WDFY3: variants seen among roughly 807,000 people sequenced by gnomAD.
WDFY3 encodes the protein WD repeat and FYVE domain-containing protein 3.
In WDFY3, 66 loss-of-function variants were observed where a neutral mutation model predicts 409.6. That is an observed-to-expected ratio of 0.16 (90% CI 0.13 to 0.20). The LOEUF (loss-of-function observed/expected upper bound fraction) is 0.20, where lower values mean the gene tolerates loss of function less well. Among genes scored for constraint, WDFY3 ranks in the 10% least tolerant of loss-of-function variants. The pLI is 1.00. For missense variants in WDFY3, 3,031 were observed against 4,298.1 expected, an observed-to-expected ratio of 0.71 and a Z score of 8.24; for synonymous variants, 1,521 against 1,537.1, an observed-to-expected ratio of 0.99 and a Z score of 0.25.
At chr4:84,790,163 A>G (rs985322548) in intron 21 of WDFY3, among the ~76,000 whole-genome samples, 2 of 152,072 alleles carry the variant, frequency 1.3e-5, no homozygotes, top group African/African-American at 4.8e-5. Flanking sequence ...CAGCCTGGCC[A>G]ACATGGTGAA....
At chr4:84,741,153 T>C (rs889967698) in intron 38 of WDFY3, among the ~76,000 whole-genome samples, 4 of 152,174 alleles carry the variant, frequency 2.6e-5, no homozygotes, top group African/African-American at 4.8e-5. Flanking sequence ...CCTTTACACA[T>C]GGATGTAGTA....
intron 25 of WDFY3, among the ~76,000 whole-genome samples, chr4:84,780,675 A>G (rs1746336274): frequency 6.6e-6 from 1 of 152,076 alleles, no homozygotes; most frequent in African/African-American, 2.4e-5. Flanking sequence ...GAGGCAGGAG[A>G]CTCACTTTAA....
chr4:84,958,950 C>A (rs1774572949), intron 1 of WDFY3, among the ~76,000 whole-genome samples: 1 of 152,090 alleles, frequency 6.6e-6, no homozygotes, highest in Non-Finnish European at 1.5e-5. Context: ...TACTTTAGCA[C>A]CCCAATGATT....
intron 37 of WDFY3, 80 bp from the exon 38 acceptor site, chr4:84,742,001 C>T: frequency 7.3e-7 from 1 of 1,364,576 alleles, no homozygotes; most frequent in Non-Finnish European, 9.8e-7. Context: ...AAAAATCAGG[C>T]TAAGGTAAAA....
intron 47 of WDFY3, among the ~76,000 whole-genome samples, chr4:84,720,297 A>G (rs760789003): frequency 6.6e-6 from 1 of 152,212 alleles, no homozygotes; most frequent in Non-Finnish European, 1.5e-5. Flanking sequence ...TGAGTAGCAA[A>G]AGAGTCAAAA....
intron 36 of WDFY3, among the ~76,000 whole-genome samples, chr4:84,749,610 C>A (rs1018687174): frequency 6.6e-6 from 1 of 152,146 alleles, no homozygotes; most frequent in Non-Finnish European, 1.5e-5. Context: ...TTTTGTTACA[C>A]ATCATTTTGC....
At chr4:84,801,924 C>T in intron 16 of WDFY3, 60 bp from the exon 17 acceptor site, 1 of 1,517,606 alleles carries the variant, frequency 6.6e-7, no homozygotes. Flanking sequence ...GATGACAATT[C>T]TTTTCACATG....
chr4:84,908,982 T>A (rs1268144867), intron 2 of WDFY3, among the ~76,000 whole-genome samples: 1 of 151,984 alleles, frequency 6.6e-6, no homozygotes, highest in Non-Finnish European at 1.5e-5. Context: ...ATTGAATGGA[T>A]TCATATTAAA....
intron 13 of WDFY3, among the ~76,000 whole-genome samples, chr4:84,814,851 C>T (rs1328030724): frequency 6.6e-6 from 1 of 152,004 alleles, no homozygotes; most frequent in East Asian, 1.9e-4. Context: ...ATATAGCATT[C>T]CATACTATCT....
In WDFY3 at chr4:84,740,139, A is replaced by G. The variant is rs761059400; in HGVS notation, c.6464+48T>C. 1.7e-5 allele frequency: 27 copies of G among 1,582,208 alleles called. No individual in the cohort carries two copies. In the Admixed American group the frequency reaches 4.5e-4, roughly 27 times the overall value. ...AAAAAATAAAGAATTTTGTTGGAAT[A>G]ACATCAAAGCCAAATTTAACATGGC... On this transcript the variant is annotated intron_variant, in intron 39 of 67. Coordinates refer to ENST00000295888, the MANE Select transcript of WDFY3 (RefSeq NM_014991.6).
chr4:84,859,097 A>C (rs1347495540), intron 4 of WDFY3, among the ~76,000 whole-genome samples: 2 of 152,156 alleles, frequency 1.3e-5, no homozygotes, highest in East Asian at 3.9e-4. Flanking sequence ...GAGGAAAAAG[A>C]GCGAGAGAAG....
At chr4:84,813,090 G>A (rs1415328742) in intron 13 of WDFY3, among the ~76,000 whole-genome samples, 2 of 152,068 alleles carry the variant, frequency 1.3e-5, no homozygotes, top group Non-Finnish European at 2.9e-5. Context: ...AAATGACATA[G>A]TTCTGTGGTA....
At chr4:84,863,926 C>T (rs949867948) in intron 3 of WDFY3, among the ~76,000 whole-genome samples, 5 of 152,132 alleles carry the variant, frequency 3.3e-5, no homozygotes, top group African/African-American at 1.2e-4. Context: ...CAGTACCATA[C>T]TATTAAGATT....
chr4:84,704,288 A>G, intron 55 of WDFY3, 50 bp downstream of exon 55: 2 of 1,314,292 alleles, frequency 1.5e-6, no homozygotes, highest in East Asian at 4.8e-5. Flanking sequence ...GACATTTTAG[A>G]TAGAAGTAGG....
At chr4:84,761,623 A>G (rs899406764) in intron 32 of WDFY3, among the ~76,000 whole-genome samples, 3 of 152,204 alleles carry the variant, frequency 2.0e-5, no homozygotes, top group Non-Finnish European at 4.4e-5. Context: ...GGATCTAATT[A>G]AACTAAAGAG....
chr4:84,957,417 G>T (rs1343694234), intron 1 of WDFY3, among the ~76,000 whole-genome samples: 1 of 152,160 alleles, frequency 6.6e-6, no homozygotes, highest in East Asian at 1.9e-4. Context: ...TGAGGGGTAA[G>T]TGACTCATAT....
intron 32 of WDFY3, among the ~76,000 whole-genome samples, chr4:84,760,254 T>C (rs1421623277): frequency 2.6e-5 from 4 of 152,118 alleles, no homozygotes; most frequent in Non-Finnish European, 4.4e-5. Context: ...AGGATATTGG[T>C]CTAAAGTTCT....
At position 84,803,424 on chromosome 4, in the gene WDFY3, T is replaced by C. The variant is rs1750975290; in HGVS notation, c.2473A>G (p.Lys825Glu). The C allele has an allele frequency of 6.2e-7, 1 of 1,614,028 alleles. No individual in the cohort carries two copies. The highest frequency in any genetic ancestry group is 8.5e-7 in the Non-Finnish European group (1 of 1,179,966). The stretch of plus-strand genomic sequence containing the variant: ...TGTAGTTTCAGGTCGGCAACATTTT[T>C]AGGAGGGTAAACAGGGGGAGTTGAA... The part of the protein sequence containing the change: ...SVSTPPVYPP[K>E]NVADLKLHVT... Residue 825 changes from lysine to glutamate, a missense_variant, in exon 16 of 68, where the codon AAA becomes GAA. Physicochemically the swap from Lys to Glu is moderately conservative, Grantham distance 56. Coordinates refer to ENST00000295888, the MANE Select transcript of WDFY3 (RefSeq NM_014991.6).
At chr4:84,862,235 A>T (rs954065157) in intron 3 of WDFY3, among the ~76,000 whole-genome samples, 2 of 152,192 alleles carry the variant, frequency 1.3e-5, no homozygotes, top group African/African-American at 4.8e-5. Flanking sequence ...ACAGGTGAAG[A>T]GGAGTCAGAC....
Sources: allele counts gnomAD v4.1 joint callset (sites outside exome capture counted in the v4.1 genomes callset), GRCh38; gene constraint gnomAD v4.1.1; transcripts MANE v1.5; gene names NCBI Gene and HGNC (gene_info 2026-07-23, HGNC 2026-07-21).